Variants in OR14A2 observed in about 807,000 individuals in gnomAD.
OR14A2 encodes olfactory receptor family 14 subfamily A member 2, also known as olfactory receptor 14A2.
For missense variants in OR14A2, 237 were observed against 152.9 expected, an observed-to-expected ratio of 1.55 and a Z score of -2.90; for synonymous variants, 114 against 58.6, an observed-to-expected ratio of 1.95 and a Z score of -4.32.
exon 1 of OR14A2, chr1:247,723,126 T>C (rs1489344821): frequency 1.4e-6 from 1 of 716,992 alleles, no homozygotes; most frequent in Non-Finnish European, 2.6e-6. Context: ...CCTGACCATA[T>C]GTTTTCTGCA....
chr1:247,735,222 C>A, the OR14A2 span, among the ~76,000 whole-genome samples: 1 of 152,144 alleles, frequency 6.6e-6, no homozygotes, highest in Non-Finnish European at 1.5e-5. Flanking sequence ...AAAGAAAGAT[C>A]CAAGGGAAGT....
the OR14A2 span, among the ~76,000 whole-genome samples, chr1:247,732,165 CT>C: frequency 6.7e-4 from 101 of 151,408 alleles, 1 homozygote; most frequent in African/African-American, 2.4e-3. Flanking sequence ...TTTGGCCTAA[CT>C]TTTTTTTTGT....
At chr1:247,723,393 A>G (rs1437034967) in exon 1 of OR14A2, 1 of 717,592 alleles carries the variant, frequency 1.4e-6, no homozygotes, top group Non-Finnish European at 2.6e-6. Flanking sequence ...AGAAGATATA[A>G]ATGTAAGAGA....
chr1:247,734,875 A>G, the OR14A2 span, among the ~76,000 whole-genome samples: 2 of 152,208 alleles, frequency 1.3e-5, no homozygotes, highest in African/African-American at 4.8e-5. Context: ...CCCCACCAGG[A>G]TATCTAGAAA....
At chr1:247,737,693 T>C in the OR14A2 span, among the ~76,000 whole-genome samples, 2 of 152,080 alleles carry the variant, frequency 1.3e-5, no homozygotes, top group African/African-American at 2.4e-5. Flanking sequence ...ATTGAAGTGA[T>C]ACTAAAGTAA....
At position 247,723,924 on chromosome 1, in the gene OR14A2, G is replaced by A. The variant is rs768962840; in HGVS notation, c.120C>T (p.Asn40=). The A allele has an allele frequency of 4.2e-6, 3 of 716,888 alleles. No individual in the cohort carries two copies. In the South Asian group the frequency reaches 4.4e-5, roughly 11 times the overall value. 44.4% of individuals were successfully genotyped at this position (716,888 alleles called of 1,614,324 possible). A position where few individuals can be genotyped will look rare whatever the true frequency, so the allele number is the denominator to read the frequency against. The stretch of plus-strand genomic sequence containing the variant: ...GGGTAATGAGAGTAATGATGAGAAG[G>A]TTACTCATTAGGGCTGCCAGGTAAA... The change falls in exon 1 of 1, where the codon AAC becomes AAT. Residue 40 remains asparagine, a synonymous_variant. Coordinates refer to ENST00000366485, the Ensembl canonical transcript of OR14A2.
upstream of OR14A2, among the ~76,000 whole-genome samples, chr1:247,726,990 G>T (rs1323256850): frequency 6.7e-3 from 993 of 149,072 alleles, 9 homozygotes; most frequent in African/African-American, 0.022. Flanking sequence ...TTGTTCTTTT[G>T]GCTTAGGATT....
At chr1:247,723,668 A>G in exon 1 of OR14A2, 1 of 718,730 alleles carries the variant, frequency 1.4e-6, no homozygotes, top group South Asian at 1.5e-5. Flanking sequence ...TTCAGGGGAC[A>G]GCAGATGGCT....
chr1:247,733,816 T>A, the OR14A2 span, among the ~76,000 whole-genome samples: 7 of 151,870 alleles, frequency 4.6e-5, no homozygotes, highest in Admixed American at 2.6e-4. Flanking sequence ...CCCCAAGCAG[T>A]GAAAAAAGGT....
chr1:247,746,909 C>G, the OR14A2 span: 2 of 152,098 alleles, frequency 1.3e-5, no homozygotes, highest in Admixed American at 6.6e-5. Context: ...GGAGGATGAT[C>G]TGTATAGACT....
At chr1:247,747,422 C>T in the OR14A2 span, among the ~76,000 whole-genome samples, 39 of 147,832 alleles carry the variant, frequency 2.6e-4, no homozygotes, top group African/African-American at 8.9e-4. Flanking sequence ...AGTGCAATGG[C>T]GTGACCTCAG....
At chr1:247,728,649 T>C (rs971410841), upstream of OR14A2, among the ~76,000 whole-genome samples, 1 of 152,130 alleles carries the variant, frequency 6.6e-6, no homozygotes, top group African/African-American at 2.4e-5. Flanking sequence ...TGTTTGCAGA[T>C]GACATGATTG....
At chr1:247,739,367 A>G in the OR14A2 span, 2 of 780,648 alleles carry the variant, frequency 2.6e-6, no homozygotes, top group Non-Finnish European at 4.8e-6. Context: ...TGTTTCTTGT[A>G]ACAGGTGCTG....
At chr1:247,738,315 C>T in the OR14A2 span, among the ~76,000 whole-genome samples, 1 of 152,044 alleles carries the variant, frequency 6.6e-6, no homozygotes, top group Non-Finnish European at 1.5e-5. Flanking sequence ...CCCTGTAATT[C>T]CCAAAGGAAA....
the OR14A2 span, chr1:247,739,253 A>G: frequency 5.1e-6 from 4 of 780,700 alleles, no homozygotes; most frequent in African/African-American, 1.7e-5. Context: ...TTTGCATTGT[A>G]GTTTCCTATG....
At chr1:247,727,548 C>T (rs35702406), upstream of OR14A2, among the ~76,000 whole-genome samples, 5,241 of 151,172 alleles carry the variant, frequency 0.035, 173 homozygotes, top group Non-Finnish European at 0.053. Flanking sequence ...CAAAAGCTAG[C>T]AGAAGGTAAG....
the OR14A2 span, among the ~76,000 whole-genome samples, chr1:247,734,238 A>G: frequency 4.6e-5 from 7 of 152,164 alleles, no homozygotes; most frequent in African/African-American, 1.7e-4. Flanking sequence ...GGGGGCACGC[A>G]TGCACAGAGA....
At chr1:247,723,679 A>G in exon 1 of OR14A2, 2 of 718,738 alleles carry the variant, frequency 2.8e-6, no homozygotes, top group Non-Finnish European at 5.2e-6. Context: ...GCAGATGGCT[A>G]CATAGCGGTC....
At chr1:247,723,790 G>C in exon 1 of OR14A2, 1 of 718,184 alleles carries the variant, frequency 1.4e-6, no homozygotes, top group South Asian at 1.5e-5. Flanking sequence ...ATTGTTGTGG[G>C]TTAGGTTGTT....
Sources: allele counts gnomAD v4.1 joint callset (sites outside exome capture counted in the v4.1 genomes callset), GRCh38; gene constraint gnomAD v4.1.1; transcripts MANE v1.5; gene names NCBI Gene and HGNC (gene_info 2026-07-23, HGNC 2026-07-21).